SH3BP5: variants seen among roughly 807,000 people sequenced by gnomAD.
SH3BP5 encodes SH3 domain binding protein 5.
SH3BP5 carries 22 observed loss-of-function variants against 43.3 expected under a neutral mutation model. The observed-to-expected ratio is 0.51, with a 90% CI of 0.36 to 0.73. SH3BP5 has a LOEUF of 0.73. SH3BP5 is among the 30% of genes least tolerant of loss of function. The probability of loss-of-function intolerance (pLI) is 0.00; values close to 1 mark genes in which losing one functional copy is unlikely to be tolerated. For synonymous variants in SH3BP5, 255 were observed against 225.8 expected, an observed-to-expected ratio of 1.13 and a Z score of -1.16; for missense variants, 529 against 586.9, an observed-to-expected ratio of 0.90 and a Z score of 1.02.
chr3:15,269,929 A>C (rs1575291608), intron 3 of SH3BP5, 52 bp from the exon 4 acceptor site: 1 of 1,433,902 alleles, frequency 7.0e-7, no homozygotes. Flanking sequence ...GGGGCTCCCC[A>C]TGGTCCATTT....
chr3:15,267,873 T>C (rs1350919716), intron 4 of SH3BP5, among the ~76,000 whole-genome samples: 2 of 152,200 alleles, frequency 1.3e-5, no homozygotes, highest in African/African-American at 4.8e-5. Flanking sequence ...ACAGATTAAA[T>C]GACTTCTGAA....
At chr3:15,259,077 G>A (rs766373576) in intron 6 of SH3BP5, 27 bp from the exon 7 acceptor site, 4 of 1,557,586 alleles carry the variant, frequency 2.6e-6, no homozygotes, top group South Asian at 2.2e-5. Context: ...GAGACTAAGT[G>A]AAGACTACCC....
At position 15,301,860 on chromosome 3, in the gene SH3BP5, A is replaced by C. The variant is rs141566045; in HGVS notation, c.330+2243T>G. On this transcript the variant is annotated intron_variant, in intron 3 of 8. Transcript: ENST00000383791. ...CATCTCTGCCCCCAAACCTGAGCTC[A>C]GGGACCAGACAAGGAAAACTTCAGG... is the stretch of plus-strand genomic sequence containing the variant. Among the ~76,000 whole-genome samples, 849 of 152,184 alleles carry C rather than the reference A, an allele frequency of 5.6e-3. 5 individuals are homozygous for C. Among genetic ancestry groups the C allele is most frequent in the Non-Finnish European group, 7.4e-3 (501 of 67,994 alleles).
chr3:15,273,293 A>G, intron 3 of SH3BP5: 1 of 985,442 alleles, frequency 1.0e-6, no homozygotes, highest in Non-Finnish European at 1.2e-6. Context: ...TTCAAGCAAG[A>G]AAAGATGCTC....
At chr3:15,265,738 TAAG>T (rs1258411074) in intron 4 of SH3BP5, among the ~76,000 whole-genome samples, 50 of 151,882 alleles carry the variant, frequency 3.3e-4, no homozygotes, top group African/African-American at 1.1e-3. Context: ...GTGGGATAAG[TAAG>T]GAGGAGAGCG....
rs1696158700 is a variant in SH3BP5 at position 15,255,394 on chromosome 3, T to TCTATAAGTCCCTCCTACCCTC, written c.*671_*691dup. 1 of 152,480 alleles carries TCTATAAGTCCCTCCTACCCTC rather than the reference T, an allele frequency of 6.6e-6. No individual in the cohort carries two copies. Among genetic ancestry groups the TCTATAAGTCCCTCCTACCCTC allele is most frequent in the Non-Finnish European group, 1.5e-5 (1 of 68,012 alleles). 9.4% of individuals were successfully genotyped at this position (152,480 alleles called of 1,614,324 possible). A position where few individuals can be genotyped will look rare whatever the true frequency, so the allele number is the denominator to read the frequency against. On this transcript the variant is annotated 3_prime_UTR_variant, in exon 9 of 9. Transcript: ENST00000383791. ...TCTCCCCCACAGCCACAAATCCCCT[T>TCTATAAGTCCCTCCTACCCTC]CTATAAGTCCCTCCTACCCTCATCC...
intron 2 of SH3BP5, among the ~76,000 whole-genome samples, chr3:15,322,084 A>AT (rs1255737623): frequency 6.6e-6 from 1 of 152,040 alleles, no homozygotes; most frequent in African/African-American, 2.4e-5. Flanking sequence ...GGCTCCTGTA[A>AT]TCCAGCTACT....
Position 15,266,365 on chromosome 3 carries a change from C to T in SH3BP5, c.495+3348G>A, listed in dbSNP as rs555494757. Among the ~76,000 whole-genome samples the T allele has an allele frequency of 8.1e-4, 123 of 152,312 alleles. 1 individual carries two copies. Among genetic ancestry groups the T allele is most frequent in the Non-Finnish European group, 2.9e-4 (20 of 68,020 alleles). ...TGAACCAGGAGAAGGGCTGGCCCTG[C>T]GTCGTGTCCTCTCCAGCAGCCACCT... On this transcript the variant is annotated intron_variant, in intron 4 of 8. Transcript: ENST00000383791.
intron 2 of SH3BP5, 22 bp from the exon 3 acceptor site, chr3:15,304,253 G>A (rs778468344): frequency 1.2e-6 from 2 of 1,614,090 alleles, no homozygotes; most frequent in Admixed American, 1.7e-5. Flanking sequence ...GGAAACCGAG[G>A]AAACACAGTT....
At chr3:15,296,644 T>C (rs369597932) in intron 3 of SH3BP5, among the ~76,000 whole-genome samples, 14 of 151,660 alleles carry the variant, frequency 9.2e-5, no homozygotes, top group African/African-American at 3.4e-4. Flanking sequence ...GTTTATATCC[T>C]ACCTTTGCAG....
chr3:15,311,303 C>A (rs1324943717), intron 2 of SH3BP5, among the ~76,000 whole-genome samples: 1 of 152,212 alleles, frequency 6.6e-6, no homozygotes, highest in Admixed American at 6.5e-5. Flanking sequence ...CGGTGGCTCA[C>A]TCCTGTAATC....
chr3:15,311,126 C>T (rs921380728), intron 2 of SH3BP5, among the ~76,000 whole-genome samples: 1 of 152,178 alleles, frequency 6.6e-6, no homozygotes, highest in Admixed American at 6.5e-5. Context: ...TTAGAGACGA[C>T]ACCAAACTTC....
upstream of SH3BP5, among the ~76,000 whole-genome samples, chr3:15,334,703 T>C (rs1698680916): frequency 6.6e-6 from 1 of 152,102 alleles, no homozygotes; most frequent in Non-Finnish European, 1.5e-5. Context: ...GTAATCTCAA[T>C]ACTTTGGAAA....
At chr3:15,283,462 A>G (rs1303346889) in intron 3 of SH3BP5, among the ~76,000 whole-genome samples, 2 of 152,226 alleles carry the variant, frequency 1.3e-5, no homozygotes, top group African/African-American at 4.8e-5. Flanking sequence ...ATGTTACCCA[A>G]ACAAGAGACA....
intron 3 of SH3BP5, among the ~76,000 whole-genome samples, chr3:15,287,807 G>A (rs576962113): frequency 1.3e-5 from 2 of 152,250 alleles, no homozygotes; most frequent in South Asian, 4.1e-4. Flanking sequence ...AGTGACGTGC[G>A]TGTACACTGA....
In SH3BP5 at chr3:15,290,300, G is replaced by A. The variant is rs149968180; in HGVS notation, c.330+13803C>T. Among the ~76,000 whole-genome samples the A allele has an allele frequency of 1.8e-4, 28 of 151,658 alleles. No individual in the cohort carries two copies. The East Asian group carries it at 5.0e-3, about 27-fold the overall frequency. ...TCCCAGCACTTTGAGAGGCCAAGGCGGGCAGATCACGAGGTCAGGAGATGG... is the reference window on the plus strand; with the variant it reads ...TCCCAGCACTTTGAGAGGCCAAGGCAGGCAGATCACGAGGTCAGGAGATGG... On this transcript the variant is annotated intron_variant, in intron 3 of 8. Transcript: ENST00000383791.
chr3:15,322,672 T>C (rs751474136), intron 2 of SH3BP5, among the ~76,000 whole-genome samples: 4 of 152,030 alleles, frequency 2.6e-5, no homozygotes, highest in Non-Finnish European at 5.9e-5. Context: ...ACCCCATCTC[T>C]ACAAAAACAA....
upstream of SH3BP5, among the ~76,000 whole-genome samples, chr3:15,335,969 T>C (rs1239018934): frequency 6.6e-6 from 1 of 152,056 alleles, no homozygotes; most frequent in Non-Finnish European, 1.5e-5. Flanking sequence ...TAAAGATAAA[T>C]TTAAAATAAT....
chr3:15,268,429 T>TGCAAGA (rs1696703611), intron 4 of SH3BP5, among the ~76,000 whole-genome samples: 1 of 151,608 alleles, frequency 6.6e-6, no homozygotes, highest in South Asian at 2.1e-4. Context: ...CCGTCCAGGG[T>TGCAAGA]CTTATTGGAG....
Sources: allele counts gnomAD v4.1 joint callset (sites outside exome capture counted in the v4.1 genomes callset), GRCh38; gene constraint gnomAD v4.1.1; transcripts MANE v1.5; gene names NCBI Gene and HGNC (gene_info 2026-07-23, HGNC 2026-07-21).